The following TBC1D22A variants were observed in gnomAD, a reference collection of about 807,000 sequenced individuals.
The protein encoded by TBC1D22A is TBC1 domain family member 22A, also known as putative GTPase activator.
In TBC1D22A, 38 loss-of-function variants were observed where a neutral mutation model predicts 60.2. That is an observed-to-expected ratio of 0.63 (90% CI 0.49 to 0.83). The LOEUF (loss-of-function observed/expected upper bound fraction) is 0.83. Ranked by LOEUF, TBC1D22A falls within the 40% of genes least tolerant of loss-of-function variation. TBC1D22A has a pLI of 0.00. For synonymous variants in TBC1D22A, 302 were observed against 281.7 expected, an observed-to-expected ratio of 1.07 and a Z score of -0.72; for missense variants, 628 against 701.0, an observed-to-expected ratio of 0.90 and a Z score of 1.18.
At chr22:46,784,691 G>A (rs868742533) in intron 1 of TBC1D22A, among the ~76,000 whole-genome samples, 1 of 152,228 alleles carries the variant, frequency 6.6e-6, no homozygotes, top group African/African-American at 2.4e-5. Context: ...GTGGCCAGTA[G>A]GCCAAGAAGC....
chr22:47,055,415 G>A (rs1035829008), intron 11 of TBC1D22A, among the ~76,000 whole-genome samples: 4 of 152,184 alleles, frequency 2.6e-5, no homozygotes, highest in African/African-American at 9.7e-5. Flanking sequence ...ATGGGTGGAT[G>A]GCTGGAAGAA....
intron 4 of TBC1D22A, among the ~76,000 whole-genome samples, chr22:46,874,765 G>A (rs1192759335): frequency 6.6e-6 from 1 of 151,784 alleles, no homozygotes. Flanking sequence ...GTAGAGATGG[G>A]ATTTCACCAT....
At chr22:46,880,504 T>C (rs1461488653) in intron 5 of TBC1D22A, among the ~76,000 whole-genome samples, 1 of 152,190 alleles carries the variant, frequency 6.6e-6, no homozygotes, top group African/African-American at 2.4e-5. Flanking sequence ...CAGGCACATG[T>C]AGTCCTTTAA....
At position 46,809,550 on chromosome 22, in the gene TBC1D22A, A is replaced by G. The variant is rs201182488; in HGVS notation, c.637+11930A>G. Among the ~76,000 whole-genome samples, 10 of 152,276 alleles carry G rather than the reference A, an allele frequency of 6.6e-5. No individual in the cohort carries two copies. The East Asian group carries it at 1.9e-3, about 29-fold the overall frequency. Reference sequence around the variant, plus strand: ...TTTGTTTTAGGTTCTAGAAGTAAGAATAACCACATCCCCTGCCACCCTGAC... The same window carrying G: ...TTTGTTTTAGGTTCTAGAAGTAAGAGTAACCACATCCCCTGCCACCCTGAC... On this transcript the variant is annotated intron_variant, in intron 4 of 12. Transcript: ENST00000337137.
intron 4 of TBC1D22A, among the ~76,000 whole-genome samples, chr22:46,854,708 G>T (rs6008994): frequency 6.6e-6 from 1 of 151,968 alleles, no homozygotes; most frequent in African/African-American, 2.4e-5. Context: ...ATGCATTCCA[G>T]GTCCTGGCAG....
chr22:46,888,553 T>C (rs7289669), intron 5 of TBC1D22A, among the ~76,000 whole-genome samples: 94,745 of 151,922 alleles, frequency 0.62, 30,346 homozygotes, highest in Middle Eastern at 0.79. Flanking sequence ...GCTGCTGGAG[T>C]GCCAGGTGAC....
intron 9 of TBC1D22A, among the ~76,000 whole-genome samples, chr22:46,979,279 T>C (rs2074421112): frequency 6.6e-6 from 1 of 152,182 alleles, no homozygotes; most frequent in African/African-American, 2.4e-5. Context: ...CTTCCAAAAT[T>C]CAGATTTTTA....
chr22:46,771,112 G>A (rs143899215), intron 1 of TBC1D22A, among the ~76,000 whole-genome samples: 31 of 152,134 alleles, frequency 2.0e-4, no homozygotes, highest in East Asian at 5.8e-4. Context: ...TTACATATTC[G>A]TCTGATAGAG....
At chr22:47,139,444 G>A (rs1439583454) in intron 12 of TBC1D22A, among the ~76,000 whole-genome samples, 13 of 152,226 alleles carry the variant, frequency 8.5e-5, no homozygotes, top group Admixed American at 7.8e-4. Flanking sequence ...TAGGCCCGGG[G>A]TCTGCATTGT....
intron 11 of TBC1D22A, among the ~76,000 whole-genome samples, chr22:47,063,028 G>A (rs958021136): frequency 7.2e-5 from 11 of 152,192 alleles, no homozygotes; most frequent in Non-Finnish European, 1.5e-4. Context: ...TGACCCCAGA[G>A]GAAGGAGGCC....
At chr22:46,968,133 C>T (rs773901507) in intron 8 of TBC1D22A, among the ~76,000 whole-genome samples, 3 of 152,192 alleles carry the variant, frequency 2.0e-5, no homozygotes, top group African/African-American at 4.8e-5. Flanking sequence ...GGCATGGCTG[C>T]GGGGTTGTTG....
intron 4 of TBC1D22A, among the ~76,000 whole-genome samples, chr22:46,800,603 TCA>T (rs2084856207): frequency 6.6e-6 from 1 of 152,214 alleles, no homozygotes; most frequent in African/African-American, 2.4e-5. Context: ...GATCCTGCTC[TCA>T]GAGTTCTTGT....
At chr22:47,059,119 A>G (rs564878809) in intron 11 of TBC1D22A, among the ~76,000 whole-genome samples, 1 of 152,228 alleles carries the variant, frequency 6.6e-6, no homozygotes, top group Non-Finnish European at 1.5e-5. Context: ...GAGAACATCA[A>G]GGCTCGGCCA....
At chr22:47,070,447 C>T in intron 11 of TBC1D22A, among the ~76,000 whole-genome samples, 1 of 119,436 alleles carries the variant, frequency 8.4e-6, no homozygotes. Context: ...GACGCTGTCC[C>T]CTGTTGTTTG....
At chr22:46,769,951 G>A (rs1001071706) in intron 1 of TBC1D22A, among the ~76,000 whole-genome samples, 6 of 152,118 alleles carry the variant, frequency 3.9e-5, no homozygotes, top group African/African-American at 7.2e-5. Flanking sequence ...TGGCCTGAGG[G>A]GATGGGAGTG....
chr22:46,896,646 G>T (rs1309283889), intron 7 of TBC1D22A, among the ~76,000 whole-genome samples: 1 of 152,104 alleles, frequency 6.6e-6, no homozygotes, highest in Non-Finnish European at 1.5e-5. Context: ...CATTCATATA[G>T]ATCTGTGTTG....
At chr22:46,772,618 A>G (rs1055024146) in intron 1 of TBC1D22A, among the ~76,000 whole-genome samples, 2 of 141,492 alleles carry the variant, frequency 1.4e-5, no homozygotes, top group South Asian at 2.2e-4. Context: ...ATATATACAT[A>G]TATACACAAA....
At chr22:47,046,911 A>G (rs543501823) in intron 11 of TBC1D22A, among the ~76,000 whole-genome samples, 5 of 152,314 alleles carry the variant, frequency 3.3e-5, no homozygotes, top group African/African-American at 1.2e-4. Context: ...CAGGAGTGTA[A>G]GAAAGGCTGG....
At chr22:46,792,261 GC>G (rs897541610) in intron 1 of TBC1D22A, among the ~76,000 whole-genome samples, 9 of 152,092 alleles carry the variant, frequency 5.9e-5, no homozygotes, top group African/African-American at 2.2e-4. Context: ...TGCTTGTCGG[GC>G]TGAGGTCCAT....
Sources: gnomAD v4.1 joint callset for allele counts (sites outside exome capture counted in the v4.1 genomes callset) on GRCh38, gnomAD v4.1.1 for gene constraint, MANE v1.5 for transcripts, NCBI Gene and HGNC (gene_info 2026-07-23, HGNC 2026-07-21) for gene names.